The following TMEM132B variants were observed in gnomAD, a reference collection of about 807,000 sequenced individuals.
The protein encoded by TMEM132B is transmembrane protein 132B.
Under a neutral mutation model 90.8 loss-of-function variants are expected in TMEM132B, and 18 were observed. The observed-to-expected ratio is 0.20, with a 90% CI of 0.14 to 0.29. The LOEUF (loss-of-function observed/expected upper bound fraction) is 0.29. Ranked by LOEUF, TMEM132B falls within the 10% of genes least tolerant of loss-of-function variation. The pLI, the probability that TMEM132B is intolerant of heterozygous loss-of-function variation, is 1.00. For synonymous variants in TMEM132B, 504 were observed against 523.3 expected (o/e 0.96, Z 0.50); for missense variants, 1,096 against 1,326.8 (o/e 0.83, Z 2.70).
chr12:125,609,907 CATTT>C (rs980009167), intron 5 of TMEM132B, among the ~76,000 whole-genome samples: 2 of 141,246 alleles, frequency 1.4e-5, no homozygotes, highest in African/African-American at 5.2e-5. Context: ...TGTATTCTTT[CATTT>C]ATTTCAACAA....
intron 1 of TMEM132B, among the ~76,000 whole-genome samples, chr12:125,258,915 G>A (rs552918396): frequency 6.6e-6 from 1 of 152,306 alleles, no homozygotes; most frequent in Non-Finnish European, 1.5e-5. Flanking sequence ...TCCTTGGAAA[G>A]ATCCAGAGAA....
At chr12:125,307,838 ATTAATAT>A (rs1876027488) in intron 1 of TMEM132B, among the ~76,000 whole-genome samples, 1 of 26,598 alleles carries the variant, frequency 3.8e-5, no homozygotes, top group Non-Finnish European at 7.2e-5. Context: ...ATATACTTAT[ATTAATAT>A]ATACTTATAT....
At chr12:125,487,343 C>T (rs922870768) in intron 3 of TMEM132B, among the ~76,000 whole-genome samples, 2 of 152,152 alleles carry the variant, frequency 1.3e-5, no homozygotes, top group African/African-American at 4.8e-5. Flanking sequence ...TTGACCTCTA[C>T]TATTATAGCT....
intron 4 of TMEM132B, among the ~76,000 whole-genome samples, chr12:125,530,093 G>A (rs1021250072): frequency 6.6e-6 from 1 of 152,188 alleles, no homozygotes; most frequent in East Asian, 1.9e-4. Context: ...ATGTGTGGTT[G>A]CATTTTAAAA....
chr12:125,468,099 T>C (rs1184687732), intron 3 of TMEM132B, among the ~76,000 whole-genome samples: 1 of 151,890 alleles, frequency 6.6e-6, no homozygotes, highest in Non-Finnish European at 1.5e-5. Context: ...GTAGATGTAT[T>C]CTTTCAGTTC....
At chr12:125,190,210 T>G (rs1957788717) in intron 1 of TMEM132B, among the ~76,000 whole-genome samples, 1 of 152,198 alleles carries the variant, frequency 6.6e-6, no homozygotes, top group Admixed American at 6.5e-5. Flanking sequence ...TTTCTAACCC[T>G]GTACCTGGGA....
chr12:125,403,692 T>C (rs1163682370), intron 2 of TMEM132B, among the ~76,000 whole-genome samples: 2 of 152,210 alleles, frequency 1.3e-5, no homozygotes, highest in Non-Finnish European at 2.9e-5. Context: ...GAGGAAAATG[T>C]CAATAGTTTG....
chr12:125,614,716 T>C (rs1885946018), intron 5 of TMEM132B, among the ~76,000 whole-genome samples: 1 of 152,184 alleles, frequency 6.6e-6, no homozygotes, highest in African/African-American at 2.4e-5. Context: ...GTCTGAAATT[T>C]TCTGAAAGAA....
chr12:125,372,438 C>T (rs945112985), intron 2 of TMEM132B, among the ~76,000 whole-genome samples: 10 of 152,280 alleles, frequency 6.6e-5, no homozygotes, highest in African/African-American at 9.6e-5. Context: ...AATATATTGG[C>T]GGTTTTCCTC....
chr12:125,504,583 C>T (rs1390779519), intron 3 of TMEM132B, among the ~76,000 whole-genome samples: 1 of 152,136 alleles, frequency 6.6e-6, no homozygotes, highest in African/African-American at 2.4e-5. Flanking sequence ...AAAACATTAG[C>T]ACTGGTGATT....
chr12:125,432,521 A>G (rs1446468800), intron 3 of TMEM132B, among the ~76,000 whole-genome samples: 8 of 77,404 alleles, frequency 1.0e-4, no homozygotes, highest in East Asian at 3.8e-4. Context: ...GTATATATAT[A>G]TATATATAGA....
At chr12:125,484,299 T>C (rs952985556) in intron 3 of TMEM132B, among the ~76,000 whole-genome samples, 3 of 152,036 alleles carry the variant, frequency 2.0e-5, no homozygotes, top group Non-Finnish European at 4.4e-5. Flanking sequence ...GTGAGGACAT[T>C]GTTGGGGCTG....
At chr12:125,295,959 A>T (rs939331043) in intron 1 of TMEM132B, among the ~76,000 whole-genome samples, 1 of 152,240 alleles carries the variant, frequency 6.6e-6, no homozygotes, top group Non-Finnish European at 1.5e-5. Flanking sequence ...TGAACACTTT[A>T]TATGAGTATG....
intron 4 of TMEM132B, among the ~76,000 whole-genome samples, chr12:125,576,652 A>G (rs549239175): frequency 6.6e-4 from 100 of 152,074 alleles, no homozygotes; most frequent in African/African-American, 2.3e-3. Context: ...TTCCTAATTT[A>G]TTGAGTAGTT....
At chr12:125,583,324 G>A (rs1885097112) in intron 4 of TMEM132B, among the ~76,000 whole-genome samples, 1 of 152,160 alleles carries the variant, frequency 6.6e-6, no homozygotes, top group Non-Finnish European at 1.5e-5. Context: ...TTCTGGAGGT[G>A]TCGGGGAGGT....
In TMEM132B at chr12:125,407,626, C is replaced by G. The variant is rs1248596213; in HGVS notation, c.960-7905C>G. Among the ~76,000 whole-genome samples the G allele has an allele frequency of 6.6e-6, 1 of 152,170 alleles. No individual in the cohort carries two copies. The highest frequency in any genetic ancestry group is 2.4e-5 in the African/African-American group (1 of 41,436). The stretch of plus-strand genomic sequence containing the variant: ...CTCCCTGGTCCAACCAGGAGGGATG[C>G]TCATCTGGACTCAGACTCTTTCCAG... On this transcript the variant is annotated intron_variant, in intron 2 of 8. Transcript: ENST00000682704. This position sits in a 1 kb window ranked among gnomAD's most constrained non-coding sequence, Gnocchi z 6.7.
At chr12:125,243,289 C>T (rs1874130880) in intron 1 of TMEM132B, among the ~76,000 whole-genome samples, 1 of 150,930 alleles carries the variant, frequency 6.6e-6, no homozygotes. Context: ...ACTACAGGCA[C>T]CCGCCACCAT....
chr12:125,654,287 C>T lies in TMEM132B; in HGVS notation c.2829C>T (p.Asn943=). ...HKRFAVSEQG[N]IPHSHDWVWL... is the part of the protein sequence containing the mutation. ...GGTTTGCTGTGAGTGAGCAGGGCAA[C>T]ATCCCCCATTCCCACGACTGGGTCT... Residue 943 remains asparagine (N), a synonymous_variant, in exon 9 of 9, where the codon AAC becomes AAT. Coordinates refer to ENST00000682704, the MANE Select transcript of TMEM132B (RefSeq NM_001366854.1). The surrounding 1 kb of genome is among the most constrained non-coding windows in gnomAD (Gnocchi z 5.8). 1 of 1,613,534 alleles carries T rather than the reference C, an allele frequency of 6.2e-7. No individual in the cohort carries two copies. Among genetic ancestry groups the T allele is most frequent in the East Asian group, 2.2e-5 (1 of 44,870 alleles).
chr12:125,309,112 C>G (rs1175010618), intron 1 of TMEM132B, among the ~76,000 whole-genome samples: 2 of 152,166 alleles, frequency 1.3e-5, no homozygotes, highest in Non-Finnish European at 2.9e-5. Context: ...GGCTTGTAAA[C>G]TGATTCTAGT....
Sources: gnomAD v4.1 joint callset for allele counts (sites outside exome capture counted in the v4.1 genomes callset) on GRCh38, gnomAD v4.1.1 for gene constraint, Gnocchi (gnomAD v3.1) non-coding constraint, MANE v1.5 for transcripts, NCBI Gene and HGNC (gene_info 2026-07-23, HGNC 2026-07-21) for gene names.